ZNF490: variants seen among roughly 807,000 people sequenced by gnomAD.
ZNF490 encodes zinc finger protein 490.
In ZNF490, 11 loss-of-function variants were observed where a neutral mutation model predicts 17.7. That is an observed-to-expected ratio of 0.62 (90% CI 0.39 to 1.03). The LOEUF is 1.03. Ranked by LOEUF, ZNF490 falls within the 50% of genes least tolerant of loss-of-function variation. The pLI is 0.00. For missense variants in ZNF490, 542 were observed against 643.4 expected (o/e 0.84, Z 1.71); for synonymous variants, 222 against 216.1 (o/e 1.03, Z -0.24).
At chr19:12,601,796 T>C (rs996365657) in intron 2 of ZNF490, among the ~76,000 whole-genome samples, 9 of 151,500 alleles carry the variant, frequency 5.9e-5, no homozygotes, top group Non-Finnish European at 1.2e-4. Context: ...ATCGAGACCA[T>C]CCTGGCTAAC....
Position 12,578,229 on chromosome 19 carries a change from A to G in ZNF490, c.*2256T>C. The G allele has an allele frequency of 1.0e-6, 1 of 985,546 alleles. No individual in the cohort carries two copies. The highest frequency in any genetic ancestry group is 4.7e-5 in the South Asian group (1 of 21,284). 61.1% of individuals were successfully genotyped at this position (985,546 alleles called of 1,614,324 possible). A position where few individuals can be genotyped will look rare whatever the true frequency, so the allele number is the denominator to read the frequency against. On this transcript the variant is annotated 3_prime_UTR_variant, in exon 5 of 5. Transcript: ENST00000311437. ...TATGCCGCTGAATATCTCAGGGTAG[A>G]ATGTGCCAGAAAACAGGGAAAGCAA...
intron 2 of ZNF490, among the ~76,000 whole-genome samples, chr19:12,604,468 G>A (rs578056453): frequency 1.3e-5 from 2 of 152,190 alleles, no homozygotes; most frequent in East Asian, 1.9e-4. Context: ...TGGCCAGCAT[G>A]GTGAAACCCT....
At chr19:12,610,315 C>G (rs1191454529) in intron 1 of ZNF490, among the ~76,000 whole-genome samples, 1 of 149,422 alleles carries the variant, frequency 6.7e-6, no homozygotes, top group African/African-American at 2.5e-5. Flanking sequence ...CCGACCTCCC[C>G]CACCGCCCCC....
intron 2 of ZNF490, among the ~76,000 whole-genome samples, chr19:12,597,899 C>T (rs1459916397): frequency 1.3e-5 from 2 of 152,012 alleles, no homozygotes; most frequent in African/African-American, 4.8e-5. Flanking sequence ...TGTAAGAACC[C>T]GCCTCTACAA....
chr19:12,600,137 C>A (rs1486902344), intron 2 of ZNF490, among the ~76,000 whole-genome samples: 1 of 151,744 alleles, frequency 6.6e-6, no homozygotes, highest in Non-Finnish European at 1.5e-5. Flanking sequence ...CCGAGGCGGG[C>A]AGATCACGAG....
chr19:12,601,585 A>G (rs2023004044), intron 2 of ZNF490, among the ~76,000 whole-genome samples: 1 of 151,982 alleles, frequency 6.6e-6, no homozygotes, highest in Non-Finnish European at 1.5e-5. Flanking sequence ...AGGTTGCACT[A>G]TATTGCCCAG....
At chr19:12,592,365 G>A (rs1408085472) in intron 2 of ZNF490, among the ~76,000 whole-genome samples, 1 of 150,954 alleles carries the variant, frequency 6.6e-6, no homozygotes, top group Non-Finnish European at 1.5e-5. Flanking sequence ...TTCAAGACCA[G>A]CATGGGTGTT....
At chr19:12,583,046 T>TG in intron 3 of ZNF490, 136 bp from the exon 4 acceptor site, 1 of 167,158 alleles carries the variant, frequency 6.0e-6, no homozygotes, top group East Asian at 1.8e-4. Context: ...TCTTCCCACA[T>TG]TTTTTTTTTT....
chr19:12,588,470 A>T (rs1183641819), intron 2 of ZNF490, among the ~76,000 whole-genome samples: 1 of 152,198 alleles, frequency 6.6e-6, no homozygotes, highest in African/African-American at 2.4e-5. Flanking sequence ...GGCAAAATAT[A>T]TGAGGGGAAA....
chr19:12,609,666 C>T (rs2023119408), intron 1 of ZNF490, among the ~76,000 whole-genome samples: 2 of 152,276 alleles, frequency 1.3e-5, no homozygotes, highest in Admixed American at 6.5e-5. Context: ...AGATAAATTT[C>T]CTTCCACTTT....
chr19:12,588,662 G>A (rs966484329), intron 2 of ZNF490, among the ~76,000 whole-genome samples: 2 of 152,134 alleles, frequency 1.3e-5, no homozygotes, highest in Non-Finnish European at 2.9e-5. Flanking sequence ...AGTAACAGCA[G>A]AATATACATT....
At chr19:12,588,488 C>T (rs1377538967) in intron 2 of ZNF490, among the ~76,000 whole-genome samples, 1 of 152,114 alleles carries the variant, frequency 6.6e-6, no homozygotes. Flanking sequence ...AAAACTAATA[C>T]AACTGCAGGA....
chr19:12,598,625 C>T (rs1316863305), intron 2 of ZNF490, among the ~76,000 whole-genome samples: 1 of 151,574 alleles, frequency 6.6e-6, no homozygotes, highest in Non-Finnish European at 1.5e-5. Context: ...GATCTGCCCG[C>T]CTCGGCCTCC....
Position 12,581,635 on chromosome 19 carries a change from A to G in ZNF490, c.440T>C (p.Leu147Pro), listed in dbSNP as rs2022736604. ...TSQIPDLNTN[L>P]ETPTGLKPCD... ...TGGTTTTAATCCAGTAGGAGTTTCC[A>G]GGTTCGTATTAAGATCAGGAATCTG... The change falls in exon 5 of 5, where the codon CTG becomes CCG. Residue 147 changes from leucine to proline, a missense_variant. By Grantham distance (98) the Leu-to-Pro change is moderately conservative. Coordinates refer to ENST00000311437, the MANE Select transcript of ZNF490 (RefSeq NM_020714.3). 1 of 1,614,166 alleles carries G rather than the reference A, an allele frequency of 6.2e-7. No homozygotes were observed. The highest frequency in any genetic ancestry group is 1.3e-5 in the African/African-American group (1 of 75,040).
At chr19:12,583,041 CCA>C in intron 3 of ZNF490, 131 bp from the exon 4 acceptor site, 1 of 808,090 alleles carries the variant, frequency 1.2e-6, no homozygotes, top group South Asian at 2.0e-5. Flanking sequence ...TATTCTCTTC[CCA>C]CATTTTTTTT....
intron 2 of ZNF490, among the ~76,000 whole-genome samples, chr19:12,604,968 A>G (rs1380498037): frequency 6.6e-6 from 1 of 152,106 alleles, no homozygotes; most frequent in Non-Finnish European, 1.5e-5. Flanking sequence ...AGCCTGGCCA[A>G]CATGGTGAAA....
Position 12,599,159 on chromosome 19 carries a change from A to G in ZNF490, c.162+9999T>C, listed in dbSNP as rs867675217. ...TGTCTCAAAAAAAAAAAAAAAAAAA[A>G]AAAGAAAGAAAGAAAAGAAAAAAAA... On this transcript the variant is annotated intron_variant, in intron 2 of 4. Coordinates refer to ENST00000311437, the MANE Select transcript of ZNF490 (RefSeq NM_020714.3). 2.6e-3 allele frequency among the ~76,000 whole-genome samples: 384 copies of G among 147,912 alleles called. 1 individual carries two copies. Among genetic ancestry groups the G allele is most frequent in the East Asian group, 9.7e-3 (49 of 5,068 alleles).
In ZNF490 at chr19:12,580,450, T is replaced by G. The variant is rs1292583048; in HGVS notation, c.*35A>C. On this transcript the variant is annotated 3_prime_UTR_variant, in exon 5 of 5. Transcript: ENST00000311437. The stretch of plus-strand genomic sequence containing the variant: ...GTACTCTCATACATCCAAAAGGAAC[T>G]AATACAACTGACAGCATTACCACAC... 1.9e-6 allele frequency: 3 copies of G among 1,541,102 alleles called. No homozygotes were observed. Among genetic ancestry groups the G allele is most frequent in the Admixed American group, 4.2e-5 (2 of 47,594 alleles).
In ZNF490 at chr19:12,581,675, C is replaced by T; in HGVS notation, c.400G>A (p.Gly134Arg). ...TCAGGAATCTGGCTAGTGCTTTTTC[C>T]ACATGGACAATCTTCTTTATTTTCA... is the stretch of plus-strand genomic sequence containing the variant. Reference protein sequence around the residue: ...LCENKEDCPCGKSTSQIPDLN... With the variant: ...LCENKEDCPCRKSTSQIPDLN... Residue 134 changes from glycine (G) to arginine (R), a missense_variant, in exon 5 of 5, where the codon GGA becomes AGA. Transcript: ENST00000311437. 1 of 1,613,982 alleles carries T rather than the reference C, an allele frequency of 6.2e-7. No homozygotes were observed. The highest frequency in any genetic ancestry group is 1.1e-5 in the South Asian group (1 of 91,076).
Sources: gnomAD v4.1 joint callset for allele counts (sites outside exome capture counted in the v4.1 genomes callset) on GRCh38, gnomAD v4.1.1 for gene constraint, MANE v1.5 for transcripts, NCBI Gene and HGNC (gene_info 2026-07-23, HGNC 2026-07-21) for gene names.